LRBA: variants seen among roughly 807,000 people sequenced by gnomAD.
The protein encoded by LRBA is LPS responsive beige-like anchor protein.
Under a neutral mutation model 330.0 loss-of-function variants are expected in LRBA, and 176 were observed. The ratio of observed to expected loss-of-function variants is 0.53; its 90% CI spans 0.47 to 0.60. LRBA has a LOEUF of 0.60. Ranked by LOEUF, LRBA falls within the 20% of genes least tolerant of loss-of-function variation. The pLI is 0.00. For synonymous variants in LRBA, 1,230 were observed against 1,193.0 expected (o/e 1.03, Z -0.64); for missense variants, 3,259 against 3,444.8 (o/e 0.95, Z 1.35).
intron 37 of LRBA, among the ~76,000 whole-genome samples, chr4:150,626,372 G>A (rs1283323790): frequency 6.6e-6 from 1 of 152,116 alleles, no homozygotes; most frequent in Non-Finnish European, 1.5e-5. Flanking sequence ...CCCATGTGCA[G>A]AACTGTATTT....
chr4:150,607,521 G>A (rs925937432), intron 37 of LRBA, among the ~76,000 whole-genome samples: 2 of 151,366 alleles, frequency 1.3e-5, no homozygotes, highest in African/African-American at 4.9e-5. Context: ...CATCCTAGAT[G>A]CCTAATAACA....
chr4:150,526,710 G>A (rs1425250932), intron 40 of LRBA, among the ~76,000 whole-genome samples: 2 of 151,924 alleles, frequency 1.3e-5, no homozygotes, highest in African/African-American at 4.8e-5. Flanking sequence ...TTTCCTTTTG[G>A]AATATTTTAA....
chr4:150,646,849 G>T (rs1779186828), intron 37 of LRBA, among the ~76,000 whole-genome samples: 1 of 152,060 alleles, frequency 6.6e-6, no homozygotes. Flanking sequence ...GAGCATTTCG[G>T]ACTTTTGGAT....
intron 37 of LRBA, among the ~76,000 whole-genome samples, chr4:150,664,835 A>G (rs1443264292): frequency 6.6e-6 from 1 of 152,234 alleles, no homozygotes; most frequent in Non-Finnish European, 1.5e-5. Context: ...AGCAACTTCA[A>G]GTTCATTTTC....
Position 151,014,416 on chromosome 4 carries a change from C to G in LRBA, c.216+11G>C. Reference sequence around the variant, plus strand: ...AAAGAGTATATGCTTATAAAATATTCATGGACTTACCAGGTTAAAGACAGT... The same window carrying G: ...AAAGAGTATATGCTTATAAAATATTGATGGACTTACCAGGTTAAAGACAGT... On this transcript the variant is annotated intron_variant, in intron 2 of 56. Transcript: ENST00000651943. The G allele has an allele frequency of 6.2e-7, 1 of 1,603,890 alleles. No individual in the cohort carries two copies. Among genetic ancestry groups the G allele is most frequent in the Non-Finnish European group, 8.5e-7 (1 of 1,170,896 alleles).
intron 37 of LRBA, among the ~76,000 whole-genome samples, chr4:150,628,929 T>C (rs1410678555): frequency 6.6e-6 from 1 of 152,174 alleles, no homozygotes; most frequent in Non-Finnish European, 1.5e-5. Context: ...TGAGAAAGGG[T>C]CTCTGTCACC....
chr4:150,850,773 G>C lies in LRBA; in HGVS notation c.3955C>G (p.Leu1319Val), dbSNP rs181605052. 3 of 1,613,494 alleles carry C rather than the reference G, an allele frequency of 1.9e-6. No homozygotes were observed. The Admixed American group carries it at 5.0e-5, about 27-fold the overall frequency. Reference protein sequence around the residue: ...FNWSQMHQRLLTDLLFSIETD... With the variant: ...FNWSQMHQRLVTDLLFSIETD... ...TCTATTGAAAATAATAGATCAGTGA[G>C]CAAACGTTGATGCATCTGAGACCAG... The change falls in exon 24 of 57, where the codon CTC becomes GTC. Residue 1319 changes from leucine (L) to valine (V), a missense_variant. Leu to Val is a conservative substitution (Grantham distance 32). Transcript: ENST00000651943.
chr4:150,458,275 A>T (rs12507269), intron 44 of LRBA, among the ~76,000 whole-genome samples: 4,528 of 152,052 alleles, frequency 0.03, 169 homozygotes, highest in East Asian at 0.18. Context: ...CAAATCCTGT[A>T]AATGCCTTAT....
At chr4:150,548,737 T>C (rs1168419409) in intron 40 of LRBA, among the ~76,000 whole-genome samples, 1 of 152,202 alleles carries the variant, frequency 6.6e-6, no homozygotes, top group Admixed American at 6.5e-5. Context: ...TTATTATTGA[T>C]TGAACCCTTA....
At chr4:150,303,295 A>G (rs1313602793) in intron 52 of LRBA, among the ~76,000 whole-genome samples, 1 of 152,242 alleles carries the variant, frequency 6.6e-6, no homozygotes, top group African/African-American at 2.4e-5. Flanking sequence ...CAAAGACAAT[A>G]TAAGACACTT....
At chr4:150,417,008 G>C (rs575018298) in intron 46 of LRBA, among the ~76,000 whole-genome samples, 4 of 151,312 alleles carry the variant, frequency 2.6e-5, no homozygotes, top group African/African-American at 9.7e-5. Context: ...GTTGGACCAG[G>C]ACTTGTTTAA....
chr4:150,408,852 T>C (rs1746560728), intron 47 of LRBA, among the ~76,000 whole-genome samples: 1 of 152,148 alleles, frequency 6.6e-6, no homozygotes, highest in South Asian at 2.1e-4. Flanking sequence ...TATTATCTTG[T>C]TAAAGTTTAT....
At chr4:150,520,194 G>A (rs1762773492) in intron 40 of LRBA, among the ~76,000 whole-genome samples, 2 of 152,156 alleles carry the variant, frequency 1.3e-5, no homozygotes, top group African/African-American at 4.8e-5. Context: ...TTCTTCAATG[G>A]TAAATGGGTC....
intron 35 of LRBA, among the ~76,000 whole-genome samples, chr4:150,742,632 T>G (rs1732167418): frequency 6.6e-6 from 1 of 152,080 alleles, no homozygotes; most frequent in African/African-American, 2.4e-5. Flanking sequence ...GTACAGTGGC[T>G]CATGCCTACA....
chr4:150,710,345 T>C (rs1408942090), intron 36 of LRBA, among the ~76,000 whole-genome samples: 1 of 152,110 alleles, frequency 6.6e-6, no homozygotes, highest in African/African-American at 2.4e-5. Context: ...TATACAGTTT[T>C]AGAAAGTCTC....
chr4:150,516,558 A>T (rs1281578534), intron 40 of LRBA, among the ~76,000 whole-genome samples: 2 of 152,036 alleles, frequency 1.3e-5, no homozygotes, highest in Admixed American at 1.3e-4. Context: ...TATAATATAC[A>T]ATACTTATAA....
chr4:150,532,689 A>T (rs1294024438), intron 40 of LRBA, among the ~76,000 whole-genome samples: 1 of 152,134 alleles, frequency 6.6e-6, no homozygotes, highest in Non-Finnish European at 1.5e-5. Context: ...TAACTGTCAT[A>T]TAAAACAGAA....
chr4:150,308,724 G>C (rs887870709), intron 52 of LRBA, among the ~76,000 whole-genome samples: 6 of 151,846 alleles, frequency 4.0e-5, no homozygotes, highest in Non-Finnish European at 7.4e-5. Flanking sequence ...ATATGTTTTT[G>C]TCTTCGTTTT....
intron 36 of LRBA, among the ~76,000 whole-genome samples, chr4:150,708,305 T>C (rs1259574422): frequency 6.6e-6 from 1 of 151,870 alleles, no homozygotes; most frequent in East Asian, 1.9e-4. Flanking sequence ...CAAACTTGTC[T>C]AAATCATTCT....
Sources: gnomAD v4.1 joint callset for allele counts (sites outside exome capture counted in the v4.1 genomes callset) on GRCh38, gnomAD v4.1.1 for gene constraint, MANE v1.5 for transcripts, NCBI Gene and HGNC (gene_info 2026-07-23, HGNC 2026-07-21) for gene names.